The following HIBADH variants were observed in gnomAD, a reference collection of about 807,000 sequenced individuals.
The protein encoded by HIBADH is 3-hydroxyisobutyrate dehydrogenase, mitochondrial.
A neutral mutation model predicts 36.1 loss-of-function variants in HIBADH; 25 were observed. The observed-to-expected ratio is 0.69, with a 90% CI of 0.50 to 0.97. The LOEUF is 0.97. HIBADH is among the 50% of genes least tolerant of loss of function. The pLI is 0.00. For missense variants in HIBADH, 421 were observed against 418.0 expected (o/e 1.01, Z -0.06); for synonymous variants, 160 against 149.5 (o/e 1.07, Z -0.51).
intron 2 of HIBADH, among the ~76,000 whole-genome samples, chr7:27,646,781 C>T (rs1267568295): frequency 6.7e-6 from 1 of 149,590 alleles, no homozygotes; most frequent in Non-Finnish European, 1.5e-5. Context: ...TTGCAACCTC[C>T]GCCTCCTGGA....
chr7:27,572,061 T>G (rs1358459772), intron 4 of HIBADH, among the ~76,000 whole-genome samples: 1 of 152,198 alleles, frequency 6.6e-6, no homozygotes, highest in Non-Finnish European at 1.5e-5. Flanking sequence ...GCCTAAGGGT[T>G]GGCTTTCTCA....
intron 6 of HIBADH, among the ~76,000 whole-genome samples, chr7:27,533,102 T>C (rs940604771): frequency 1.3e-5 from 2 of 152,194 alleles, no homozygotes; most frequent in Non-Finnish European, 2.9e-5. Context: ...TCTTTTAAGA[T>C]GGTTCATCAT....
chr7:27,595,185 A>G (rs1785010471), intron 4 of HIBADH, among the ~76,000 whole-genome samples: 2 of 152,168 alleles, frequency 1.3e-5, no homozygotes, highest in Non-Finnish European at 2.9e-5. Flanking sequence ...AAATATTTGC[A>G]ACATTTTTAT....
At position 27,597,420 on chromosome 7, in the gene HIBADH, T is replaced by C. The variant is rs543848191; in HGVS notation, c.484+31951A>G. ...ATGATTATTATTGGGTACCAAAGTGTAGCTCCGAGCTTCCCATAGACTCAG... is the reference window on the plus strand; with the variant it reads ...ATGATTATTATTGGGTACCAAAGTGCAGCTCCGAGCTTCCCATAGACTCAG... On this transcript the variant is annotated intron_variant, in intron 4 of 7. Transcript: ENST00000265395. Among the ~76,000 whole-genome samples the C allele has an allele frequency of 2.7e-5, 4 of 148,516 alleles. No homozygotes were observed. In the East Asian group the frequency reaches 8.1e-4, roughly 30 times the overall value.
intron 1 of HIBADH, among the ~76,000 whole-genome samples, chr7:27,650,049 A>G (rs1023077834): frequency 6.6e-6 from 1 of 152,170 alleles, no homozygotes; most frequent in Admixed American, 6.5e-5. Flanking sequence ...TTGTACCTGT[A>G]TAACATTCTT....
chr7:27,648,702 T>C lies in HIBADH; in HGVS notation c.252+771A>G, dbSNP rs10486552. Among the ~76,000 whole-genome samples the C allele has an allele frequency of 8.6e-3, 1,303 of 152,332 alleles. 12 individuals carry two copies. Among genetic ancestry groups the C allele is most frequent in the South Asian group, 0.03 (145 of 4,824 alleles). ...ACATGGTCTCCTGTAATTTGAGTTA[T>C]TGATAAAGTTTAACAAATCCAAACA... On this transcript the variant is annotated intron_variant, in intron 2 of 7. Coordinates refer to ENST00000265395, the MANE Select transcript of HIBADH (RefSeq NM_152740.4).
intron 4 of HIBADH, among the ~76,000 whole-genome samples, chr7:27,601,695 C>G (rs751500729): frequency 1.3e-5 from 2 of 152,008 alleles, no homozygotes; most frequent in African/African-American, 2.4e-5. Context: ...GGTATTCTGG[C>G]TTTTTAATAA....
intron 2 of HIBADH, among the ~76,000 whole-genome samples, chr7:27,638,351 C>T (rs1009513189): frequency 3.0e-5 from 4 of 133,850 alleles, no homozygotes; most frequent in Admixed American, 7.5e-5. Context: ...GGAAAGGACT[C>T]CCTATTCAAT....
intron 4 of HIBADH, among the ~76,000 whole-genome samples, chr7:27,584,589 A>G (rs1413390252): frequency 6.6e-6 from 1 of 152,088 alleles, no homozygotes; most frequent in Non-Finnish European, 1.5e-5. Context: ...ATGGTGTTCC[A>G]CAAAAATGCA....
chr7:27,617,135 T>C lies in HIBADH; in HGVS notation c.484+12236A>G, dbSNP rs112427995. On this transcript the variant is annotated intron_variant, in intron 4 of 7. Transcript: ENST00000265395. ...ACTCACAAGCTCCATTTATGGTAAG[T>C]GGCCCTATACAGGTGTGCCATTTTT... Among the ~76,000 whole-genome samples, 481 of 152,336 alleles carry C rather than the reference T, an allele frequency of 3.2e-3. 3 individuals are homozygous for C. The highest frequency in any genetic ancestry group is 0.011 in the African/African-American group (454 of 41,576).
At chr7:27,603,747 C>A (rs1481609294) in intron 4 of HIBADH, among the ~76,000 whole-genome samples, 1 of 151,968 alleles carries the variant, frequency 6.6e-6, no homozygotes, top group African/African-American at 2.4e-5. Context: ...TTATCTAAAA[C>A]CAAGTAAGTT....
intron 2 of HIBADH, among the ~76,000 whole-genome samples, chr7:27,643,602 T>G (rs1786000967): frequency 6.6e-6 from 1 of 152,216 alleles, no homozygotes; most frequent in Admixed American, 6.5e-5. Flanking sequence ...ATTCAAAACC[T>G]ACACATTTTG....
At chr7:27,535,052 T>C (rs1197901249) in intron 6 of HIBADH, among the ~76,000 whole-genome samples, 2 of 148,216 alleles carry the variant, frequency 1.3e-5, no homozygotes, top group Non-Finnish European at 3.0e-5. Context: ...AGTCAACAAC[T>C]AGCCAGTACG....
intron 2 of HIBADH, among the ~76,000 whole-genome samples, chr7:27,641,356 GCT>G: frequency 6.6e-6 from 1 of 152,108 alleles, no homozygotes; most frequent in Non-Finnish European, 1.5e-5. Flanking sequence ...GTTTTCTTTG[GCT>G]CTCACTTCAT....
chr7:27,644,377 A>G (rs1010331751), intron 2 of HIBADH, among the ~76,000 whole-genome samples: 4 of 152,090 alleles, frequency 2.6e-5, no homozygotes, highest in African/African-American at 9.7e-5. Context: ...AGGCGGGTGG[A>G]TCACCTGAGG....
chr7:27,541,135 T>G (rs80013130), intron 5 of HIBADH, among the ~76,000 whole-genome samples: 1 of 83,166 alleles, frequency 1.2e-5, no homozygotes, highest in African/African-American at 3.9e-5. Flanking sequence ...GAGCATCCTT[T>G]TTTTTTTTTT....
At chr7:27,639,433 A>G (rs1448003895) in intron 2 of HIBADH, among the ~76,000 whole-genome samples, 1 of 152,042 alleles carries the variant, frequency 6.6e-6, no homozygotes, top group Non-Finnish European at 1.5e-5. Flanking sequence ...ACTTGAGACT[A>G]CCTGAGGGGG....
At position 27,568,295 on chromosome 7, in the gene HIBADH, A is replaced by G. The variant is rs562406852; in HGVS notation, c.485-25195T>C. 4.6e-5 allele frequency among the ~76,000 whole-genome samples: 7 copies of G among 152,268 alleles called. No homozygotes were observed. The East Asian group carries it at 1.2e-3, about 25-fold the overall frequency. ...TCTATTTCATCTTCATTCCTGAAGC[A>G]TATTTTTGTCACATATAAAATTCTG... On this transcript the variant is annotated intron_variant, in intron 4 of 7. Coordinates refer to ENST00000265395, the MANE Select transcript of HIBADH (RefSeq NM_152740.4).
intron 2 of HIBADH, among the ~76,000 whole-genome samples, chr7:27,633,213 G>A (rs1785779230): frequency 6.6e-6 from 1 of 152,178 alleles, no homozygotes; most frequent in South Asian, 2.1e-4. Context: ...TTAGGTGCAT[G>A]CATGAGTAGA....
Sources: gnomAD v4.1 joint callset for allele counts (sites outside exome capture counted in the v4.1 genomes callset) on GRCh38, gnomAD v4.1.1 for gene constraint, MANE v1.5 for transcripts, NCBI Gene and HGNC (gene_info 2026-07-23, HGNC 2026-07-21) for gene names.